The following PBDC1 variants were observed in gnomAD, a reference collection of about 807,000 sequenced individuals.
PBDC1 encodes the protein polysaccharide biosynthesis domain containing 1, also known as protein PBDC1.
PBDC1 carries 3 observed loss-of-function variants against 12.0 expected under a neutral mutation model. That is an observed-to-expected ratio of 0.25 (90% CI 0.11 to 0.64). PBDC1 has a LOEUF of 0.64. PBDC1 is among the 30% of genes least tolerant of loss of function. The pLI, the probability that PBDC1 is intolerant of heterozygous loss-of-function variation, is 0.84. For missense variants in PBDC1, 162 were observed against 168.1 expected (o/e 0.96, Z 0.20); for synonymous variants, 64 against 56.4 (o/e 1.13, Z -0.60).
At chrX:76,174,824 C>T in intron 2 of PBDC1, 66 bp from the exon 3 acceptor site, 2 of 905,756 alleles carry the variant, frequency 2.2e-6, no homozygotes, top group Non-Finnish European at 3.2e-6. Context: ...CCACATACTT[C>T]CTTAATTTGC....
intron 4 of PBDC1, among the ~76,000 whole-genome samples, chrX:76,176,406 C>T (rs782659921): frequency 3.6e-5 from 4 of 111,401 alleles, no homozygotes; most frequent in Admixed American, 2.9e-4. Flanking sequence ...CCGCCCGCCT[C>T]GGTCTTTCAA....
intron 2 of PBDC1, among the ~76,000 whole-genome samples, chrX:76,174,499 G>T (rs1556796732): frequency 8.9e-6 from 1 of 112,050 alleles, no homozygotes; most frequent in East Asian, 2.8e-4. Flanking sequence ...AGTCTTAAAA[G>T]TGAAAAGTAA....
chrX:76,173,594 G>C lies in PBDC1; in HGVS notation c.40G>C (p.Glu14Gln). 1 of 1,196,370 alleles carries C rather than the reference G, an allele frequency of 8.4e-7. No individual in the cohort carries two copies. The highest frequency in any genetic ancestry group is 1.1e-6 in the Non-Finnish European group (1 of 887,559). The change falls in exon 2 of 6, where the codon GAG becomes CAG. Residue 14 changes from glutamate to glutamine, a missense_variant. Physicochemically the swap from Glu to Gln is conservative, Grantham distance 29. Around this residue, in one of 3 missense-constraint regions of PBDC1, gnomAD observed 41 missense variants for 28.5 expected, o/e 1.44. Transcript: ENST00000373358. Reference sequence around the variant, plus strand: ...TTTTCCTCCTTTCTAGGTTTCCGGGGAGTTGGTGTCTGTGGCACATGCGCT... The same window carrying C: ...TTTTCCTCCTTTCTAGGTTTCCGGGCAGTTGGTGTCTGTGGCACATGCGCT... Reference protein sequence around the residue: ...TSGTDEPVSGELVSVAHALSL... With the variant: ...TSGTDEPVSGQLVSVAHALSL...
chrX:76,177,691 T>C lies in PBDC1; in HGVS notation c.485T>C (p.Val162Ala). ...TATAACAAAGCTGTTTATATCAGTGTTCAGGACAAAGAAGGAGAGAAAGGA... is the reference window on the plus strand; with the variant it reads ...TATAACAAAGCTGTTTATATCAGTGCTCAGGACAAAGAAGGAGAGAAAGGA... Reference protein sequence around the residue: ...EGYNKAVYISVQDKEGEKGVN... With the variant: ...EGYNKAVYISAQDKEGEKGVN... The change falls in exon 6 of 6, where the codon GTT becomes GCT. Residue 162 changes from valine to alanine, a missense_variant. Transcript: ENST00000373358. The C allele has an allele frequency of 8.3e-7, 1 of 1,204,801 alleles. No individual in the cohort carries two copies. Among genetic ancestry groups the C allele is most frequent in the Non-Finnish European group, 1.1e-6 (1 of 893,361 alleles).
At chrX:76,176,761 A>G in intron 4 of PBDC1, 120 bp from the exon 5 acceptor site, 1 of 467,979 alleles carries the variant, frequency 2.1e-6, no homozygotes, top group Non-Finnish European at 3.8e-6. Flanking sequence ...ACCAACAATC[A>G]CCTCAATCCC....
intron 5 of PBDC1, among the ~76,000 whole-genome samples, chrX:76,177,305 T>C (rs781930316): frequency 5.4e-5 from 6 of 111,057 alleles, no homozygotes; most frequent in Admixed American, 1.9e-4. Flanking sequence ...TACCAGCACT[T>C]TGGGAGGCTG....
intron 3 of PBDC1, 144 bp downstream of exon 3, chrX:76,175,093 A>G (rs1355768955): frequency 1.9e-6 from 1 of 513,291 alleles, no homozygotes; most frequent in African/African-American, 2.3e-5. Flanking sequence ...CACAGACAAC[A>G]GAGGAGCGAA....
In PBDC1 at chrX:76,177,703, A is replaced by G. The variant is rs1924824691; in HGVS notation, c.497A>G (p.Glu166Gly). The part of the protein sequence containing the change: ...KAVYISVQDK[E>G]GEKGVNNGGE... The stretch of plus-strand genomic sequence containing the variant: ...GTTTATATCAGTGTTCAGGACAAAG[A>G]AGGAGAGAAAGGAGTCAACAATGGA... Residue 166 changes from glutamate (E) to glycine (G), a missense_variant, in exon 6 of 6, where the codon GAA becomes GGA. By Grantham distance (98) the Glu-to-Gly change is moderately conservative. Transcript: ENST00000373358. 1 of 1,205,544 alleles carries G rather than the reference A, an allele frequency of 8.3e-7. No individual in the cohort carries two copies. Among genetic ancestry groups the G allele is most frequent in the African/African-American group, 1.8e-5 (1 of 56,652 alleles).
At chrX:76,174,299 C>T (rs782526308) in intron 2 of PBDC1, among the ~76,000 whole-genome samples, 1 of 111,178 alleles carries the variant, frequency 9.0e-6, no homozygotes, top group African/African-American at 3.3e-5. Context: ...GTAACAAATG[C>T]AAATGGCTTT....
At chrX:76,175,128 TCTG>T (rs1401949653) in intron 3 of PBDC1, among the ~76,000 whole-genome samples, 179 bp downstream of exon 3, 1 of 112,881 alleles carries the variant, frequency 8.9e-6, no homozygotes, top group African/African-American at 3.2e-5. Context: ...TACAATGAGT[TCTG>T]CTGCTTTGCC....
In PBDC1 at chrX:76,173,568, T is replaced by C. The variant is rs1556796630; in HGVS notation, c.31-17T>C. 2 of 1,178,018 alleles carry C rather than the reference T, an allele frequency of 1.7e-6. No individual in the cohort carries two copies. The highest frequency in any genetic ancestry group is 1.1e-6 in the Non-Finnish European group (1 of 876,538). ...CGGCCTTGGGGGGAGCCTTGAACTC[T>C]TTTTCCTCCTTTCTAGGTTTCCGGG... On this transcript the variant is annotated splice_polypyrimidine_tract_variant and intron_variant, in intron 1 of 5. Transcript: ENST00000373358.
rs782802063 is a variant in PBDC1 at position 76,177,938 on chromosome X, A to G, written c.*30A>G. On this transcript the variant is annotated 3_prime_UTR_variant, in exon 6 of 6. Transcript: ENST00000373358. ...TACAGGGAACAGCACTCTAGAAGCT[A>G]TGACTCAATTGAGACTACAAGTACC... 5.0e-6 allele frequency: 6 copies of G among 1,202,149 alleles called. No homozygotes were observed. The highest frequency in any genetic ancestry group is 4.5e-5 in the Admixed American group (2 of 44,250).
At position 76,175,380 on chromosome X, in the gene PBDC1, T is replaced by G; in HGVS notation, c.157-93T>G. 4 of 856,916 alleles carry G rather than the reference T, an allele frequency of 4.7e-6. No homozygotes were observed. The South Asian group carries it at 6.5e-5, about 14-fold the overall frequency. The allele number at this position is 856,916 out of a possible 1,213,427, so 70.6% of individuals were successfully genotyped here. On this transcript the variant is annotated intron_variant, in intron 3 of 5. Coordinates refer to ENST00000373358, the MANE Select transcript of PBDC1 (RefSeq NM_016500.5). ...CACTTCCTGAAGAGATCTTCTGCCC[T>G]GAGAACCATAAAGGTTTTCTGGTGG... is the stretch of plus-strand genomic sequence containing the variant.
intron 2 of PBDC1, among the ~76,000 whole-genome samples, chrX:76,173,921 A>G (rs1924726158): frequency 8.9e-6 from 1 of 111,890 alleles, no homozygotes; most frequent in African/African-American, 3.3e-5. Flanking sequence ...AGTTCATACC[A>G]CCTAAATCAG....
Position 76,177,727 on chromosome X carries a change from G to T in PBDC1, c.521G>T (p.Gly174Val), listed in dbSNP as rs781798798. 5 of 1,207,711 alleles carry T rather than the reference G, an allele frequency of 4.1e-6. No individual in the cohort carries two copies. In the Admixed American group the frequency reaches 1.1e-4, roughly 27 times the overall value. ...DKEGEKGVNN[G>V]GEKRADSGEE... ...GAAGGAGAGAAAGGAGTCAACAATG[G>T]AGGAGAAAAAAGAGCTGACAGTGGA... is the stretch of plus-strand genomic sequence containing the variant. The change falls in exon 6 of 6, where the codon GGA becomes GTA. Residue 174 changes from glycine (G) to valine (V), a missense_variant. By Grantham distance (109) the Gly-to-Val change is moderately radical. This residue lies in a region of PBDC1 where 100 missense variants were observed against 96.2 expected (regional missense o/e 1.04). Coordinates refer to ENST00000373358, the MANE Select transcript of PBDC1 (RefSeq NM_016500.5).
At position 76,177,849 on chromosome X, in the gene PBDC1, G is replaced by A; in HGVS notation, c.643G>A (p.Gly215Arg). 8.3e-7 allele frequency: 1 copy of A among 1,209,012 alleles called. No individual in the cohort carries two copies. The highest frequency in any genetic ancestry group is 1.1e-6 in the Non-Finnish European group (1 of 894,393). ...CAGAGAAGACAAAACTGACAAAGGA[G>A]GAGAAAAAGGGAAAGAAGCTGACAA... ...INREDKTDKG[G>R]EKGKEADKEI... Residue 215 changes from glycine (G) to arginine (R), a missense_variant, in exon 6 of 6, where the codon GGA becomes AGA. This residue lies in a region of PBDC1 where 100 missense variants were observed against 96.2 expected (regional missense o/e 1.04). Coordinates refer to ENST00000373358, the MANE Select transcript of PBDC1 (RefSeq NM_016500.5).
intron 1 of PBDC1, 67 bp from the exon 2 acceptor site, chrX:76,173,518 T>A (rs28449392): frequency 1.2e-6 from 1 of 823,951 alleles, no homozygotes; most frequent in African/African-American, 2.1e-5. Context: ...TCACTGCGAC[T>A]GGCCTTGGGG....
chrX:76,175,492 C>A lies in PBDC1; in HGVS notation c.176C>A (p.Pro59Gln). 2.5e-6 allele frequency: 3 copies of A among 1,208,792 alleles called. No individual in the cohort carries two copies. Among genetic ancestry groups the A allele is most frequent in the Non-Finnish European group, 3.4e-6 (3 of 893,151 alleles). The change falls in exon 4 of 6, where the codon CCA (proline) becomes CAA (glutamine). Residue 59 changes from proline (P) to glutamine (Q), a missense_variant. By Grantham distance (76) the Pro-to-Gln change is moderately conservative. Coordinates refer to ENST00000373358, the MANE Select transcript of PBDC1 (RefSeq NM_016500.5). ...VYYKLISSVD[P>Q]QFLKLTKVDD... ...TCGCAGCTGATTTCATCAGTTGACC[C>A]ACAGTTCCTGAAACTCACCAAAGTA...
intron 2 of PBDC1, 57 bp from the exon 3 acceptor site, chrX:76,174,833 G>T: frequency 3.1e-6 from 3 of 961,945 alleles, no homozygotes; most frequent in Non-Finnish European, 4.5e-6. Context: ...TCCTTAATTT[G>T]CTATTCAGTA....
Sources: allele counts gnomAD v4.1 joint callset (sites outside exome capture counted in the v4.1 genomes callset), GRCh38; gene constraint gnomAD v4.1.1; regional missense constraint gnomAD v4.1.1; transcripts MANE v1.5; gene names NCBI Gene and HGNC (gene_info 2026-07-23, HGNC 2026-07-21).